Variants in PUS3 observed in about 807,000 individuals in gnomAD.
The protein encoded by PUS3 is pseudouridine synthase 3.
Under a neutral mutation model 43.3 loss-of-function variants are expected in PUS3, and 36 were observed. The ratio of observed to expected loss-of-function variants is 0.83; its 90% confidence interval spans 0.64 to 1.10. The LOEUF (loss-of-function observed/expected upper bound fraction) is 1.10, where lower values mean the gene tolerates loss of function less well. Ranked by LOEUF, PUS3 falls within the 50% of genes least tolerant of loss-of-function variation. PUS3 has a pLI of 0.00. For synonymous variants in PUS3, 183 were observed against 199.2 expected (o/e 0.92, Z 0.69); for missense variants, 544 against 589.9 (o/e 0.92, Z 0.81).
Position 125,893,925 on chromosome 11 carries a change from T to A in PUS3, c.1306A>T (p.Ile436Phe). ...RIQHFVRRGR[I>F]EHPHLFHEEE... Reference sequence around the variant, plus strand: ...TCATGGAATAAATGTGGGTGCTCAATTCGTCCCCTACGTACAAAATGCTGG... The same window carrying A: ...TCATGGAATAAATGTGGGTGCTCAAATCGTCCCCTACGTACAAAATGCTGG... The change falls in exon 4 of 4, where the codon ATT (isoleucine) becomes TTT (phenylalanine). Residue 436 changes from isoleucine to phenylalanine, a missense_variant. Transcript: ENST00000227474. 1 of 1,614,182 alleles carries A rather than the reference T, an allele frequency of 6.2e-7. No homozygotes were observed.
At chr11:125,898,929 C>G (rs1202984133) in intron 1 of PUS3, among the ~76,000 whole-genome samples, 1 of 152,078 alleles carries the variant, frequency 6.6e-6, no homozygotes, top group Non-Finnish European at 1.5e-5. Context: ...CTGTGAAAAG[C>G]AGATAATCCC....
Position 125,896,033 on chromosome 11 carries a change from G to A in PUS3, c.252C>T (p.Asn84=). 6.2e-7 allele frequency: 1 copy of A among 1,614,192 alleles called. No individual in the cohort carries two copies. Among genetic ancestry groups the A allele is most frequent in the Non-Finnish European group, 8.5e-7 (1 of 1,180,036 alleles). The change falls in exon 2 of 4, where the codon AAC becomes AAT. Residue 84 remains asparagine (N), a synonymous_variant. Coordinates refer to ENST00000227474, the MANE Select transcript of PUS3 (RefSeq NM_031307.4). ...WGYQGFASQE[N]TNNTIEEKLF... is the part of the protein sequence containing the mutation. ...GTTTCTCTTCAATGGTATTATTTGT[G>A]TTTTCCTGACTAGCAAAGCCCTGGT... is the stretch of plus-strand genomic sequence containing the variant.
Position 125,894,055 on chromosome 11 carries a change from C to T in PUS3, c.1176G>A (p.Lys392=). The T allele has an allele frequency of 6.2e-7, 1 of 1,614,180 alleles. No individual in the cohort carries two copies. The change falls in exon 4 of 4, where the codon AAG becomes AAA. Residue 392 remains lysine (K), a synonymous_variant. Transcript: ENST00000227474. The part of the protein sequence containing the change: ...MDGMTEWGNV[K]PSVIKQTSAF... ...CACTGGTCTGCTTTATGACAGAGGGCTTAACATTTCCCCATTCTGTCATTC... is the reference window on the plus strand; with the variant it reads ...CACTGGTCTGCTTTATGACAGAGGGTTTAACATTTCCCCATTCTGTCATTC...
At chr11:125,902,855 C>A (rs777990340) in intron 1 of PUS3, among the ~76,000 whole-genome samples, 12 of 151,938 alleles carry the variant, frequency 7.9e-5, no homozygotes, top group African/African-American at 2.9e-4. Flanking sequence ...TATGAGCACC[C>A]AATTCTAAGT....
chr11:125,896,693 G>C lies in PUS3; in HGVS notation c.-46-363C>G, dbSNP rs139631502. The stretch of plus-strand genomic sequence containing the variant: ...TTCCATTTGATTTCTCACTGTATTT[G>C]TTCAATTTGCTAGTCATAAGATTTC... On this transcript the variant is annotated intron_variant, in intron 1 of 3. Coordinates refer to ENST00000227474, the MANE Select transcript of PUS3 (RefSeq NM_031307.4). Among the ~76,000 whole-genome samples the C allele has an allele frequency of 6.2e-3, 945 of 152,174 alleles. 4 individuals carry two copies. The highest frequency in any genetic ancestry group is 0.024 in the South Asian group (114 of 4,818).
chr11:125,900,137 C>CAT (rs1944721005), intron 1 of PUS3: 1 of 1,614,176 alleles, frequency 6.2e-7, no homozygotes, highest in East Asian at 2.2e-5. Context: ...CAAACCTCAG[C>CAT]ATATATATGT....
chr11:125,896,153 A>G lies in PUS3; in HGVS notation c.132T>C (p.Asn44=). 6.2e-7 allele frequency: 1 copy of G among 1,614,050 alleles called. No homozygotes were observed. The highest frequency in any genetic ancestry group is 8.5e-7 in the Non-Finnish European group (1 of 1,180,006). Residue 44 remains asparagine, a synonymous_variant, in exon 2 of 4, where the codon AAT becomes AAC. Transcript: ENST00000227474. ...KNKEDSNIRE[N]SAGAGKTKRA... is the part of the protein sequence containing the mutation. Reference sequence around the variant, plus strand: ...GCTTAGTTTTTCCAGCTCCTGCTGAATTTTCTCTAATGTTTGAGTCCTCCT... The same window carrying G: ...GCTTAGTTTTTCCAGCTCCTGCTGAGTTTTCTCTAATGTTTGAGTCCTCCT...
At chr11:125,900,419 C>A in intron 1 of PUS3, 1 of 698,518 alleles carries the variant, frequency 1.4e-6, no homozygotes, top group Non-Finnish European at 2.5e-6. Context: ...CTATATATCA[C>A]ATTGGTATCA....
chr11:125,897,502 C>T (rs1316689870), intron 1 of PUS3, among the ~76,000 whole-genome samples: 2 of 126,988 alleles, frequency 1.6e-5, no homozygotes, highest in African/African-American at 5.7e-5. Flanking sequence ...TGAATATATA[C>T]ATCAGTTTTA....
chr11:125,900,913 G>A (rs1320134155), intron 1 of PUS3: 1 of 152,160 alleles, frequency 6.6e-6, no homozygotes, highest in African/African-American at 2.4e-5. Flanking sequence ...GGGAGGCTGA[G>A]GCAGGAGAAT....
chr11:125,897,181 TC>T (rs1286875418), intron 1 of PUS3, among the ~76,000 whole-genome samples: 1 of 152,176 alleles, frequency 6.6e-6, no homozygotes, highest in Non-Finnish European at 1.5e-5. Context: ...CCACATCTGT[TC>T]TAAGGCCATG....
intron 1 of PUS3, among the ~76,000 whole-genome samples, chr11:125,902,163 T>A (rs1018007667): frequency 7.9e-5 from 12 of 152,148 alleles, no homozygotes; most frequent in African/African-American, 2.7e-4. Flanking sequence ...CACCTTACCC[T>A]AATTCAGGGT....
chr11:125,893,694 ATTCCT>A lies in PUS3; in HGVS notation c.*86_*90del, dbSNP rs1045882411. The A allele has an allele frequency of 1.0e-6, 1 of 993,514 alleles. No individual in the cohort carries two copies. The allele number at this position is 993,514 out of a possible 1,614,324, so 61.5% of individuals were successfully genotyped here. A position where few individuals can be genotyped will look rare whatever the true frequency, so the allele number is the denominator to read the frequency against. On this transcript the variant is annotated 3_prime_UTR_variant, in exon 4 of 4. Coordinates refer to ENST00000227474, the MANE Select transcript of PUS3 (RefSeq NM_031307.4). ...TTTCTTTTAAGAGCTGATCATCTGA[ATTCCT>A]AGTACTTGCAAGTAAATTTTTTTTT...
chr11:125,903,125 C>T, intron 1 of PUS3, 45 bp downstream of exon 1: 1 of 921,358 alleles, frequency 1.1e-6, no homozygotes, highest in South Asian at 5.0e-5. Context: ...GTCCCTTCCC[C>T]TGTGGAACCC....
chr11:125,899,521 C>G, intron 1 of PUS3: 1 of 1,614,186 alleles, frequency 6.2e-7, no homozygotes, highest in South Asian at 1.1e-5. Flanking sequence ...ATGATCCCTA[C>G]AGTAAAGCTT....
chr11:125,899,127 G>A, intron 1 of PUS3: 1 of 518,342 alleles, frequency 1.9e-6, no homozygotes, highest in Non-Finnish European at 3.5e-6. Flanking sequence ...CAAGACAGTA[G>A]AAAGCAGGAG....
chr11:125,901,502 C>T (rs1450165716), intron 1 of PUS3, among the ~76,000 whole-genome samples: 1 of 152,182 alleles, frequency 6.6e-6, no homozygotes, highest in East Asian at 1.9e-4. Flanking sequence ...AGTTTTAACA[C>T]CAGAGGCCAG....
chr11:125,902,599 T>TTA (rs1944808860), intron 1 of PUS3, among the ~76,000 whole-genome samples: 1 of 117,334 alleles, frequency 8.5e-6, no homozygotes, highest in Admixed American at 9.5e-5. Context: ...GCGACAGTCT[T>TTA]AAAAAAAAAA....
intron 1 of PUS3, chr11:125,899,550 G>T: frequency 1.2e-6 from 2 of 1,614,138 alleles, no homozygotes; most frequent in South Asian, 1.1e-5. Context: ...CCAGGGAAGC[G>T]ACCTGCTCTT....
Sources: allele counts gnomAD v4.1 joint callset (sites outside exome capture counted in the v4.1 genomes callset), GRCh38; gene constraint gnomAD v4.1.1; transcripts MANE v1.5; gene names NCBI Gene and HGNC (gene_info 2026-07-23, HGNC 2026-07-21).